The following STK32B variants were observed in gnomAD, a reference collection of about 807,000 sequenced individuals.
STK32B encodes the protein serine/threonine kinase 32B.
Under a neutral mutation model 52.6 loss-of-function variants are expected in STK32B, and 43 were observed. The ratio of observed to expected loss-of-function variants is 0.82; its 90% CI spans 0.64 to 1.05. STK32B has a LOEUF of 1.05. STK32B is among the 50% of genes least tolerant of loss of function. The probability of loss-of-function intolerance (pLI) is 0.00; values close to 1 mark genes in which losing one functional copy is unlikely to be tolerated. For missense variants in STK32B, 621 were observed against 534.6 expected, an observed-to-expected ratio of 1.16 and a Z score of -1.59; for synonymous variants, 238 against 204.3, an observed-to-expected ratio of 1.17 and a Z score of -1.41.
chr4:5,382,243 A>G (rs905709161), intron 4 of STK32B, among the ~76,000 whole-genome samples: 7 of 152,228 alleles, frequency 4.6e-5, no homozygotes, highest in Non-Finnish European at 8.8e-5. Context: ...ACGTTAACTC[A>G]TAAAGTTAAC....
chr4:5,319,240 T>C (rs1404285651), intron 3 of STK32B, among the ~76,000 whole-genome samples: 2 of 152,188 alleles, frequency 1.3e-5, no homozygotes, highest in Non-Finnish European at 1.5e-5. Context: ...AATGAGGATA[T>C]GGGGCCCAGA....
chr4:5,031,920 A>G, the STK32B span, among the ~76,000 whole-genome samples: 5 of 152,196 alleles, frequency 3.3e-5, no homozygotes, highest in Non-Finnish European at 5.9e-5. Flanking sequence ...ATCTGTGTCT[A>G]TAGAGCACTT....
At chr4:5,157,921 T>C (rs1485964043) in intron 2 of STK32B, among the ~76,000 whole-genome samples, 2 of 152,194 alleles carry the variant, frequency 1.3e-5, no homozygotes, top group African/African-American at 4.8e-5. Flanking sequence ...GAAGCCTTCA[T>C]TGTTCATGCA....
the STK32B span, among the ~76,000 whole-genome samples, chr4:5,031,118 T>TC: frequency 1.3e-5 from 2 of 152,216 alleles, no homozygotes; most frequent in African/African-American, 4.8e-5. Context: ...TCAGACTTTT[T>TC]CTGAGCCTTC....
chr4:5,022,004 T>A, the STK32B span, among the ~76,000 whole-genome samples: 1 of 152,040 alleles, frequency 6.6e-6, no homozygotes. Context: ...GGGTGCCTCG[T>A]GCTGATTCCC....
At chr4:5,306,633 C>T (rs28829869) in intron 3 of STK32B, among the ~76,000 whole-genome samples, 47,791 of 152,002 alleles carry the variant, frequency 0.31, 12,722 homozygotes, top group African/African-American at 0.73. Context: ...TTAGGCCATT[C>T]ACATTCAACA....
In STK32B at chr4:5,446,734, G is replaced by A; in HGVS notation, c.624G>A (p.Trp208Ter). ...CCGGATACTCGTACCCTGTCGACTGGTGGTCCCTGGGCATCACAGCCTATG... is the reference window on the plus strand; with the variant it reads ...CCGGATACTCGTACCCTGTCGACTGATGGTCCCTGGGCATCACAGCCTATG... Reference protein sequence around the residue: ...RGPGYSYPVDWWSLGITAYEL... With the variant: ...RGPGYSYPVD Residue 208 changes from tryptophan (W) to a stop codon, truncating the protein, a stop_gained, in exon 7 of 12, where the codon TGG becomes TGA. Coordinates refer to ENST00000282908, the MANE Select transcript of STK32B (RefSeq NM_018401.3). LOFTEE classifies it high-confidence loss of function. 2 of 1,614,080 alleles carry A rather than the reference G, an allele frequency of 1.2e-6. No homozygotes were observed. The highest frequency in any genetic ancestry group is 1.7e-6 in the Non-Finnish European group (2 of 1,180,014).
chr4:5,344,605 A>AG (rs1733321610), intron 4 of STK32B, among the ~76,000 whole-genome samples: 1 of 152,050 alleles, frequency 6.6e-6, no homozygotes, highest in African/African-American at 2.4e-5. Flanking sequence ...TTATTTATGA[A>AG]GGCTTCTTTA....
chr4:5,374,008 CAGTGAGCCCTAAATCCA>C (rs537690248), intron 4 of STK32B, among the ~76,000 whole-genome samples: 63 of 152,254 alleles, frequency 4.1e-4, no homozygotes, highest in Admixed American at 7.2e-4. Context: ...TACTGGATTA[CAGTGAGCCCTAAATCCA>C]ATGACTGATG....
rs111555122 is a variant in STK32B at position 5,477,914 on chromosome 4, G to A, written c.1106+9844G>A. On this transcript the variant is annotated intron_variant, in intron 11 of 11. Coordinates refer to ENST00000282908, the MANE Select transcript of STK32B (RefSeq NM_018401.3). Reference sequence around the variant, plus strand: ...CAGACCCCCAGTGCAGGTCCTTCCAGTGCCCCCACCCACACCAAGAAGGAC... The same window carrying A: ...CAGACCCCCAGTGCAGGTCCTTCCAATGCCCCCACCCACACCAAGAAGGAC... Among the ~76,000 whole-genome samples the A allele has an allele frequency of 3.0e-3, 459 of 152,240 alleles. 2 individuals are homozygous for A. Among genetic ancestry groups the A allele is most frequent in the African/African-American group, 0.011 (439 of 41,552 alleles).
chr4:5,084,605 G>T (rs930270527), intron 1 of STK32B, among the ~76,000 whole-genome samples: 5 of 152,030 alleles, frequency 3.3e-5, no homozygotes, highest in African/African-American at 4.8e-5. Context: ...TGAATGCAAG[G>T]TTTTCAGATT....
intron 4 of STK32B, among the ~76,000 whole-genome samples, chr4:5,339,834 A>C (rs115449397): frequency 6.8e-4 from 103 of 152,294 alleles, no homozygotes; most frequent in African/African-American, 2.4e-3. Flanking sequence ...AATGTTCATA[A>C]AGAATTTATC....
intron 3 of STK32B, among the ~76,000 whole-genome samples, chr4:5,257,963 GA>G (rs947972887): frequency 1.3e-5 from 2 of 151,738 alleles, no homozygotes; most frequent in Admixed American, 6.6e-5. Context: ...AAGAAAAAAA[GA>G]AAAAAAACAA....
chr4:5,159,580 T>C lies in STK32B; in HGVS notation c.109-8719T>C, dbSNP rs1320610256. 1.6e-5 allele frequency among the ~76,000 whole-genome samples: 2 copies of C among 123,672 alleles called. 1 individual carries two copies. Among genetic ancestry groups the C allele is most frequent in the African/African-American group, 7.2e-5 (2 of 27,830 alleles). The allele number at this position is 123,672 out of a possible 152,430, so 81.1% of individuals were successfully genotyped here. ...ATATATGAATGAATATATATGAATA[T>C]ATATATGAATATATATGAATATATA... is the stretch of plus-strand genomic sequence containing the variant. On this transcript the variant is annotated intron_variant, in intron 2 of 11. Coordinates refer to ENST00000282908, the MANE Select transcript of STK32B (RefSeq NM_018401.3).
At chr4:5,083,858 T>C (rs1053910360) in intron 1 of STK32B, among the ~76,000 whole-genome samples, 2 of 151,984 alleles carry the variant, frequency 1.3e-5, no homozygotes, top group Non-Finnish European at 2.9e-5. Flanking sequence ...TGCGTTGGCC[T>C]CCCAAGTACT....
chr4:5,227,604 T>A (rs1181129472), intron 3 of STK32B, among the ~76,000 whole-genome samples: 1 of 152,244 alleles, frequency 6.6e-6, no homozygotes, highest in Non-Finnish European at 1.5e-5. Context: ...CTTCTTTCAT[T>A]CCTATTCAGG....
At chr4:5,040,265 A>C in the STK32B span, among the ~76,000 whole-genome samples, 75 of 152,302 alleles carry the variant, frequency 4.9e-4, no homozygotes, top group East Asian at 9.4e-3. Context: ...TACCATGAAC[A>C]AGTAGGTGTC....
intron 3 of STK32B, among the ~76,000 whole-genome samples, chr4:5,298,542 G>C (rs531703408): frequency 3.3e-4 from 50 of 152,232 alleles, no homozygotes; most frequent in Admixed American, 1.9e-3. Context: ...TGCTGCAGTG[G>C]GTTCCGCTCA....
intron 11 of STK32B, among the ~76,000 whole-genome samples, chr4:5,479,370 C>G (rs1718506014): frequency 6.6e-6 from 1 of 152,124 alleles, no homozygotes; most frequent in Non-Finnish European, 1.5e-5. Flanking sequence ...CCACCCACCT[C>G]ACCCTCCCAA....
Sources: gnomAD v4.1 joint callset for allele counts (sites outside exome capture counted in the v4.1 genomes callset) on GRCh38, gnomAD v4.1.1 for gene constraint, MANE v1.5 for transcripts, NCBI Gene and HGNC (gene_info 2026-07-23, HGNC 2026-07-21) for gene names.